The following OBP2B variants were observed in gnomAD, a reference collection of about 807,000 sequenced individuals.
OBP2B encodes the protein odorant binding protein 2B.
In OBP2B, 10 loss-of-function variants were observed where a neutral mutation model predicts 21.7. The observed-to-expected ratio is 0.46, with a 90% CI of 0.28 to 0.78. OBP2B has a LOEUF of 0.78. Ranked by LOEUF, OBP2B falls within the 30% of genes least tolerant of loss-of-function variation. OBP2B has a pLI of 0.11. For missense variants in OBP2B, 153 were observed against 217.7 expected (o/e 0.70, Z 1.87); for synonymous variants, 73 against 91.5 (o/e 0.80, Z 1.16).
chr9:133,214,275 T>G, the OBP2B span, among the ~76,000 whole-genome samples: 1 of 152,224 alleles, frequency 6.6e-6, no homozygotes, highest in Admixed American at 6.5e-5. Flanking sequence ...GAAAGACTGA[T>G]GTGTAACTGG....
chr9:133,214,811 A>G, the OBP2B span, among the ~76,000 whole-genome samples: 1 of 152,264 alleles, frequency 6.6e-6, no homozygotes, highest in Non-Finnish European at 1.5e-5. Flanking sequence ...AGGCTGGGAT[A>G]CTCAGTTACA....
At chr9:133,212,814 C>T (rs1184234193), upstream of OBP2B, among the ~76,000 whole-genome samples, 2 of 152,006 alleles carry the variant, frequency 1.3e-5, no homozygotes, top group Non-Finnish European at 2.9e-5. Context: ...GCCTGTAATC[C>T]CAGCTAATCG....
At position 133,208,603 on chromosome 9, in the gene OBP2B, C is replaced by T. The variant is rs782306251; in HGVS notation, c.73-1G>A. The T allele has an allele frequency of 2.5e-6, 4 of 1,605,796 alleles. No individual in the cohort carries two copies. The African/African-American group carries it at 4.0e-5, about 16-fold the overall frequency. ...CCTTCACGTACCAGGTCCCTGTGAT[C>T]TGGAGCAGGCCAAGGCCGTGAGCCC... On this transcript the variant is annotated splice_acceptor_variant, in intron 1 of 6. Transcript: ENST00000372034. LOFTEE classifies it high-confidence loss of function.
upstream of OBP2B, among the ~76,000 whole-genome samples, chr9:133,212,834 G>A (rs1833930980): frequency 6.6e-6 from 1 of 152,222 alleles, no homozygotes; most frequent in South Asian, 2.1e-4. Flanking sequence ...GGGAGGCTGA[G>A]GCAGGAGAAT....
intron 3 of OBP2B, 32 bp from the exon 4 acceptor site, chr9:133,207,368 A>C: frequency 7.2e-7 from 1 of 1,396,806 alleles, no homozygotes; most frequent in Non-Finnish European, 1.0e-6. Flanking sequence ...GGTCATTCCC[A>C]GAGAGAACAC....
upstream of OBP2B, among the ~76,000 whole-genome samples, chr9:133,210,141 G>A (rs574531262): frequency 1.3e-4 from 20 of 152,212 alleles, no homozygotes; most frequent in Admixed American, 1.2e-3. Context: ...GGTCCCTTGG[G>A]CACCTGGCTC....
At chr9:133,223,103 T>C in the OBP2B span, among the ~76,000 whole-genome samples, 1 of 152,202 alleles carries the variant, frequency 6.6e-6, no homozygotes, top group Non-Finnish European at 1.5e-5. The surrounding 1 kb of genome is among the most constrained non-coding windows in gnomAD (Gnocchi z 4.4). Flanking sequence ...ACACATTGGC[T>C]TGAGCGGTAG....
the OBP2B span, among the ~76,000 whole-genome samples, chr9:133,216,348 G>C: frequency 4.0e-5 from 6 of 151,512 alleles, no homozygotes; most frequent in East Asian, 1.2e-3. Flanking sequence ...TTAGTCATCA[G>C]TGAAATGCAA....
chr9:133,219,958 C>A, the OBP2B span, among the ~76,000 whole-genome samples: 1 of 152,144 alleles, frequency 6.6e-6, no homozygotes, highest in African/African-American at 2.4e-5. Flanking sequence ...AAAATACCGA[C>A]CCATGCTACC....
At chr9:133,221,379 G>T in the OBP2B span, among the ~76,000 whole-genome samples, 82 of 152,182 alleles carry the variant, frequency 5.4e-4, no homozygotes, top group African/African-American at 2.0e-3. Context: ...TGTGCAGATT[G>T]CTTGGGTGTG....
intron 3 of OBP2B, among the ~76,000 whole-genome samples, chr9:133,207,665 A>ACTAACCCTCGGCCTCCCCATCC (rs879957127): frequency 2.7e-5 from 4 of 150,006 alleles, no homozygotes; most frequent in Admixed American, 6.6e-5. Flanking sequence ...CTTCCGCAGC[A>ACTAACCCTCGGCCTCCCCATCC]CTAACCCTCG....
intron 4 of OBP2B, among the ~76,000 whole-genome samples, chr9:133,206,755 G>A (rs1350210917): frequency 6.6e-6 from 1 of 151,890 alleles, no homozygotes; most frequent in Non-Finnish European, 1.5e-5. Context: ...CTGCCCAGAT[G>A]AGAGGTCCCC....
At chr9:133,215,535 T>A in the OBP2B span, among the ~76,000 whole-genome samples, 1 of 152,142 alleles carries the variant, frequency 6.6e-6, no homozygotes, top group Non-Finnish European at 1.5e-5. Flanking sequence ...TTCTTTTTTT[T>A]AGAGACAGAG....
upstream of OBP2B, among the ~76,000 whole-genome samples, chr9:133,212,511 T>A (rs1833926251): frequency 6.6e-6 from 1 of 152,208 alleles, no homozygotes; most frequent in Non-Finnish European, 1.5e-5. Flanking sequence ...TATAAATCAA[T>A]GCCAGAAAGA....
At chr9:133,218,763 C>A in the OBP2B span, among the ~76,000 whole-genome samples, 119,915 of 151,976 alleles carry the variant, frequency 0.79, 47,826 homozygotes, top group Middle Eastern at 0.87. Flanking sequence ...AGTCAGACGG[C>A]GTGGACGGGA....
chr9:133,222,861 G>A, the OBP2B span, among the ~76,000 whole-genome samples: 4 of 151,570 alleles, frequency 2.6e-5, no homozygotes, highest in Non-Finnish European at 4.4e-5. Flanking sequence ...CACACAGCTG[G>A]TCCCACTGCA....
chr9:133,205,391 G>A lies in OBP2B; in HGVS notation c.*22C>T. On this transcript the variant is annotated 3_prime_UTR_variant, in exon 7 of 7. Coordinates refer to ENST00000372034, the MANE Select transcript of OBP2B (RefSeq NM_014581.4). Reference sequence around the variant, plus strand: ...GTGTCTGGTGGTAGGGTGGGCTCTGGAGGTGCAGACCCGGGGGCTGCTGTG... The same window carrying A: ...GTGTCTGGTGGTAGGGTGGGCTCTGAAGGTGCAGACCCGGGGGCTGCTGTG... 1 of 1,482,684 alleles carries A rather than the reference G, an allele frequency of 6.7e-7. No individual in the cohort carries two copies. The highest frequency in any genetic ancestry group is 9.2e-7 in the Non-Finnish European group (1 of 1,089,846). The allele number at this position is 1,482,684 out of a possible 1,614,324, so 91.8% of individuals were successfully genotyped here. A position where few individuals can be genotyped will look rare whatever the true frequency, so the allele number is the denominator to read the frequency against.
At chr9:133,221,626 A>G in the OBP2B span, among the ~76,000 whole-genome samples, 1 of 152,310 alleles carries the variant, frequency 6.6e-6, no homozygotes, top group Admixed American at 6.5e-5. Flanking sequence ...CAGAAAGGAA[A>G]TGCCAAGGTC....
the OBP2B span, among the ~76,000 whole-genome samples, chr9:133,217,161 C>T: frequency 1.3e-5 from 2 of 152,154 alleles, no homozygotes; most frequent in African/African-American, 4.8e-5. Flanking sequence ...TTGATTTTTG[C>T]AGACTTTCTA....
Sources: gnomAD v4.1 joint callset for allele counts (sites outside exome capture counted in the v4.1 genomes callset) on GRCh38, gnomAD v4.1.1 for gene constraint, Gnocchi (gnomAD v3.1) non-coding constraint, MANE v1.5 for transcripts, NCBI Gene and HGNC (gene_info 2026-07-23, HGNC 2026-07-21) for gene names.